Variants in COBLL1 observed in about 807,000 individuals in gnomAD.
COBLL1 encodes the protein cordon-bleu WH2 repeat protein like 1.
In COBLL1, 50 loss-of-function variants were observed where a neutral mutation model predicts 94.8. The observed-to-expected ratio is 0.53, with a 90% CI of 0.42 to 0.67. The LOEUF (loss-of-function observed/expected upper bound fraction) is 0.67, where lower values mean the gene tolerates loss of function less well. COBLL1 is among the 30% of genes least tolerant of loss of function. The pLI, the probability that COBLL1 is intolerant of heterozygous loss-of-function variation, is 0.00. For synonymous variants in COBLL1, 448 were observed against 473.8 expected, an observed-to-expected ratio of 0.95 and a Z score of 0.71; for missense variants, 1,362 against 1,348.7, an observed-to-expected ratio of 1.01 and a Z score of -0.15.
chr2:164,693,751 T>C (rs1683741663), intron 12 of COBLL1, among the ~76,000 whole-genome samples: 1 of 152,184 alleles, frequency 6.6e-6, no homozygotes, highest in East Asian at 1.9e-4. Flanking sequence ...GCTTTCAATG[T>C]ATTTATATGT....
At chr2:164,762,423 T>C (rs1687727931) in intron 2 of COBLL1, among the ~76,000 whole-genome samples, 1 of 152,166 alleles carries the variant, frequency 6.6e-6, no homozygotes, top group Admixed American at 6.5e-5. Flanking sequence ...ATATACAGTG[T>C]CCTGAACTAA....
chr2:164,792,824 C>T (rs1475183011), intron 2 of COBLL1, among the ~76,000 whole-genome samples: 1 of 152,066 alleles, frequency 6.6e-6, no homozygotes, highest in East Asian at 1.9e-4. Flanking sequence ...ACACGCCTGT[C>T]CTGCAATCAG....
At position 164,841,476 on chromosome 2, in the gene COBLL1, C is replaced by A. The variant is rs1177329942; in HGVS notation, c.-50-230G>T. The A allele has an allele frequency of 8.8e-7, 1 of 1,135,120 alleles. No individual in the cohort carries two copies. The highest frequency in any genetic ancestry group is 1.6e-5 in the African/African-American group (1 of 61,372). 70.3% of individuals were successfully genotyped at this position (1,135,120 alleles called of 1,614,324 possible). A position where few individuals can be genotyped will look rare whatever the true frequency, so the allele number is the denominator to read the frequency against. ...GGCGGAGGAGGCGGTGGCGCTGCAG[C>A]CCCCGCCCCGTGGGGTTTACTGGGT... On this transcript the variant is annotated intron_variant, in intron 1 of 13. Transcript: ENST00000652658. The surrounding 1 kb of genome is among the most constrained non-coding windows in gnomAD (Gnocchi z 5.5).
Position 164,684,480 on chromosome 2 carries a change from C to G in COBLL1, c.*1466G>C, listed in dbSNP as rs1057281943. ...GCTTATAACAACATAACTTAAGTAT[C>G]TATATATGAGGGTCTCTCCAACTGA... On this transcript the variant is annotated 3_prime_UTR_variant, in exon 14 of 14. Transcript: ENST00000652658. The G allele has an allele frequency of 4.6e-5, 7 of 152,014 alleles. No homozygotes were observed. Among genetic ancestry groups the G allele is most frequent in the African/African-American group, 1.7e-4 (7 of 41,414 alleles). 9.4% of individuals were successfully genotyped at this position (152,014 alleles called of 1,614,324 possible).
chr2:164,780,402 A>C (rs1033651323), intron 2 of COBLL1, among the ~76,000 whole-genome samples: 1 of 152,164 alleles, frequency 6.6e-6, no homozygotes, highest in African/African-American at 2.4e-5. Context: ...AAAAGTTTAA[A>C]TTTATAAAAA....
intron 2 of COBLL1, among the ~76,000 whole-genome samples, chr2:164,840,468 A>G (rs1237624153): frequency 3.3e-5 from 5 of 152,168 alleles, no homozygotes; most frequent in African/African-American, 1.2e-4. Context: ...AACTATTAGC[A>G]TATCTGGCAG....
intron 2 of COBLL1, among the ~76,000 whole-genome samples, chr2:164,795,853 A>G (rs1426314977): frequency 6.6e-6 from 1 of 152,208 alleles, no homozygotes; most frequent in Non-Finnish European, 1.5e-5. Flanking sequence ...TAGACTAAAA[A>G]ATTATGATTC....
chr2:164,808,472 C>T (rs1684308234), intron 2 of COBLL1, among the ~76,000 whole-genome samples: 1 of 152,118 alleles, frequency 6.6e-6, no homozygotes, highest in African/African-American at 2.4e-5. Flanking sequence ...GTCTATCTTC[C>T]ACCATTCTAA....
At chr2:164,704,817 G>C in intron 8 of COBLL1, 135 bp downstream of exon 8, 2 of 970,436 alleles carry the variant, frequency 2.1e-6, no homozygotes, top group Non-Finnish European at 1.5e-6. Flanking sequence ...CGGCAGCAAA[G>C]TGAGACTAAT....
chr2:164,674,980 T>C (rs1046608385), intron 1 of COBLL1, among the ~76,000 whole-genome samples: 1 of 152,238 alleles, frequency 6.6e-6, no homozygotes, highest in Non-Finnish European at 1.5e-5. Context: ...CTTGGAATAA[T>C]TCATTTCTCC....
At chr2:164,675,590 G>A (rs192775331), downstream of COBLL1, among the ~76,000 whole-genome samples, 4 of 152,162 alleles carry the variant, frequency 2.6e-5, no homozygotes, top group Non-Finnish European at 5.9e-5. Flanking sequence ...GATTTTTTAG[G>A]ATTCCCCAAA....
At chr2:164,687,599 A>C (rs1683368002) in intron 13 of COBLL1, 2 of 1,145,610 alleles carry the variant, frequency 1.7e-6, no homozygotes, top group Non-Finnish European at 2.6e-6. Context: ...TGAAGCCTAC[A>C]TTGGGGTAAT....
At chr2:164,660,925 A>C (rs893616046) in intron 2 of COBLL1, among the ~76,000 whole-genome samples, 7 of 152,178 alleles carry the variant, frequency 4.6e-5, no homozygotes, top group African/African-American at 1.7e-4. Flanking sequence ...TGGATTTTAT[A>C]GTTATAGAGA....
rs146616980 is a variant in COBLL1, at chr2:164,814,444, G to C, written c.41+26712C>G. Among the ~76,000 whole-genome samples the C allele has an allele frequency of 1.7e-3, 256 of 152,128 alleles. 3 individuals carry two copies. The Middle Eastern group carries it at 0.024, about 14-fold the overall frequency. ...GCAATCTTCTCTGAGGAAGGCATTGGGTGTGTCTTATCTCTCATCCTGATG... is the reference window on the plus strand; with the variant it reads ...GCAATCTTCTCTGAGGAAGGCATTGCGTGTGTCTTATCTCTCATCCTGATG... On this transcript the variant is annotated intron_variant, in intron 2 of 13. Coordinates refer to ENST00000652658, the MANE Select transcript of COBLL1 (RefSeq NM_001365672.2).
At chr2:164,741,863 T>A (rs771135972) in intron 3 of COBLL1, among the ~76,000 whole-genome samples, 4 of 152,070 alleles carry the variant, frequency 2.6e-5, no homozygotes, top group Non-Finnish European at 5.9e-5. Context: ...AATTGCAGCA[T>A]CCTACAGAAC....
At chr2:164,760,846 C>T (rs1044234235) in intron 2 of COBLL1, among the ~76,000 whole-genome samples, 4 of 152,144 alleles carry the variant, frequency 2.6e-5, no homozygotes, top group East Asian at 1.9e-4. Flanking sequence ...GGCTTCAGTT[C>T]GTACCTATTT....
In COBLL1 at chr2:164,722,390, G is replaced by A. The variant is rs3754957; in HGVS notation, c.759+35C>T. The A allele has an allele frequency of 1.0e-4, 152 of 1,490,856 alleles. No individual in the cohort carries two copies. In the East Asian group the frequency reaches 2.0e-3, roughly 20 times the overall value. The allele number at this position is 1,490,856 out of a possible 1,614,324, so 92.4% of individuals were successfully genotyped here. On this transcript the variant is annotated intron_variant, in intron 6 of 13. Coordinates refer to ENST00000652658, the MANE Select transcript of COBLL1 (RefSeq NM_001365672.2). Reference sequence around the variant, plus strand: ...GCATTAGTAATTAAAAATAATTGAAGAATCTTACAAAATGCAATATAAGAA... The same window carrying A: ...GCATTAGTAATTAAAAATAATTGAAAAATCTTACAAAATGCAATATAAGAA...
At chr2:164,671,154 A>G (rs1691235533) in intron 1 of COBLL1, among the ~76,000 whole-genome samples, 1 of 152,172 alleles carries the variant, frequency 6.6e-6, no homozygotes, top group Non-Finnish European at 1.5e-5. Flanking sequence ...ATCACTCCCA[A>G]TTCTCAGAAG....
At chr2:164,665,591 A>G (rs1322089551) in intron 2 of COBLL1, among the ~76,000 whole-genome samples, 3 of 152,208 alleles carry the variant, frequency 2.0e-5, no homozygotes, top group Non-Finnish European at 4.4e-5. Context: ...AAAAAGTTAC[A>G]TAGTTGATAT....
Sources: gnomAD v4.1 joint callset for allele counts (sites outside exome capture counted in the v4.1 genomes callset) on GRCh38, gnomAD v4.1.1 for gene constraint, Gnocchi (gnomAD v3.1) non-coding constraint, MANE v1.5 for transcripts, NCBI Gene and HGNC (gene_info 2026-07-23, HGNC 2026-07-21) for gene names.